EHF: variants seen among roughly 807,000 people sequenced by gnomAD.
EHF encodes the protein ETS homologous factor.
A neutral mutation model predicts 45.1 loss-of-function variants in EHF; 14 were observed. That is an observed-to-expected ratio of 0.31 (90% CI 0.21 to 0.49). The LOEUF is 0.49. Among genes scored for constraint, EHF ranks in the 20% least tolerant of loss-of-function variants. The pLI, the probability that EHF is intolerant of heterozygous loss-of-function variation, is 0.99. For missense variants in EHF, 282 were observed against 371.4 expected (o/e 0.76, Z 1.98); for synonymous variants, 136 against 131.8 (o/e 1.03, Z -0.22).
At chr11:34,623,774 C>T (rs926334357) in intron 1 of EHF, among the ~76,000 whole-genome samples, 1 of 152,010 alleles carries the variant, frequency 6.6e-6, no homozygotes, top group Non-Finnish European at 1.5e-5. Context: ...TCCCATGCCC[C>T]CGACCCACCC....
intron 1 of EHF, among the ~76,000 whole-genome samples, chr11:34,621,518 C>T (rs1422136082): frequency 6.6e-6 from 1 of 152,214 alleles, no homozygotes; most frequent in African/African-American, 2.4e-5. Flanking sequence ...GGTGGCAAAA[C>T]CATTCCCCTG....
At chr11:34,634,581 C>A (rs1340839333) in intron 1 of EHF, among the ~76,000 whole-genome samples, 1 of 152,184 alleles carries the variant, frequency 6.6e-6, no homozygotes, top group African/African-American at 2.4e-5. Flanking sequence ...CCCAGTGTAC[C>A]TTCACCCTTG....
chr11:34,635,363 G>A (rs946483903), intron 1 of EHF, among the ~76,000 whole-genome samples: 2 of 151,596 alleles, frequency 1.3e-5, no homozygotes, highest in Admixed American at 6.6e-5. Context: ...GTCTTGGGAT[G>A]TGTGGTTCCA....
At chr11:34,632,836 G>A (rs1463141535) in intron 1 of EHF, among the ~76,000 whole-genome samples, 2 of 152,232 alleles carry the variant, frequency 1.3e-5, no homozygotes, top group East Asian at 3.9e-4. Context: ...GTTAACTATT[G>A]TATCGCCAGC....
At chr11:34,637,074 T>G (rs554028383) in intron 1 of EHF, among the ~76,000 whole-genome samples, 1 of 151,638 alleles carries the variant, frequency 6.6e-6, no homozygotes, top group East Asian at 1.9e-4. Flanking sequence ...ACTAGGCTGC[T>G]TTTCAAGCTC....
At chr11:34,642,520 A>G in intron 1 of EHF, 108 bp from the exon 2 acceptor site, 1 of 708,070 alleles carries the variant, frequency 1.4e-6, no homozygotes, top group African/African-American at 1.7e-5. Flanking sequence ...AATGGGTGGA[A>G]GGACAAATTC....
In EHF at chr11:34,624,247, T is replaced by C; in HGVS notation, c.-4+3019T>C. ...CATTGGCTCCACTGCAGCCTGGGTGTCTAGAGACCACATTCTCACCCTGCC... is the reference window on the plus strand; with the variant it reads ...CATTGGCTCCACTGCAGCCTGGGTGCCTAGAGACCACATTCTCACCCTGCC... On this transcript the variant is annotated intron_variant, in intron 1 of 8. Transcript: ENST00000257831. 5.1e-6 allele frequency: 5 copies of C among 985,346 alleles called. No homozygotes were observed. In the South Asian group the frequency reaches 2.3e-4, roughly 46 times the overall value. 61.0% of individuals were successfully genotyped at this position (985,346 alleles called of 1,614,324 possible). A position where few individuals can be genotyped will look rare whatever the true frequency, so the allele number is the denominator to read the frequency against.
intron 1 of EHF, among the ~76,000 whole-genome samples, chr11:34,637,633 G>A (rs1853572538): frequency 6.6e-6 from 1 of 152,296 alleles, no homozygotes; most frequent in South Asian, 2.1e-4. Flanking sequence ...CAAGAAGCCT[G>A]GCATGTTGTA....
chr11:34,658,915 G>A lies in EHF; in HGVS notation c.887G>A (p.Arg296Lys), dbSNP rs1166951903. The change falls in exon 9 of 9, where the codon AGA becomes AAA. Residue 296 changes from arginine (R) to lysine (K), a missense_variant. Physicochemically the swap from Arg to Lys is conservative, Grantham distance 26 (BLOSUM62 2). This residue lies in a region of EHF where 28 missense variants were observed against 37.1 expected (regional missense o/e 0.76). Coordinates refer to ENST00000257831, the MANE Select transcript of EHF (RefSeq NM_012153.6). ...TTTGGGAAGAATGCCCGAGGATGGA[G>A]AGAAAATGAAAACTGAAGCTGCCAA... The part of the protein sequence containing the change: ...YKFGKNARGW[R>K]ENEN 1.4e-5 allele frequency: 23 copies of A among 1,612,696 alleles called. No individual in the cohort carries two copies. Among genetic ancestry groups the A allele is most frequent in the Admixed American group, 1.7e-5 (1 of 59,828 alleles).
chr11:34,650,770 C>G lies in EHF; in HGVS notation c.407-772C>G, dbSNP rs1280192042. ...TTTGGGGTAGGTGGAGGGGAGTTCC[C>G]TTTGAATCTGAAATCTGAAGAGTCA... is the stretch of plus-strand genomic sequence containing the variant. On this transcript the variant is annotated intron_variant, in intron 4 of 8. Coordinates refer to ENST00000257831, the MANE Select transcript of EHF (RefSeq NM_012153.6). Among the ~76,000 whole-genome samples, 4 of 152,210 alleles carry G rather than the reference C, an allele frequency of 2.6e-5. No homozygotes were observed. In the East Asian group the frequency reaches 7.7e-4, roughly 29 times the overall value.
chr11:34,642,803 T>C (rs1433181212), intron 2 of EHF, 76 bp downstream of exon 2: 4 of 1,107,424 alleles, frequency 3.6e-6, no homozygotes, highest in African/African-American at 1.5e-5. Context: ...CACAACCTAA[T>C]GTTTGAAAAA....
At chr11:34,657,879 T>C (rs1427899717) in intron 7 of EHF, among the ~76,000 whole-genome samples, 2 of 137,942 alleles carry the variant, frequency 1.4e-5, no homozygotes, top group African/African-American at 5.4e-5. Flanking sequence ...ACCATATTAA[T>C]GCAACCCCTC....
At chr11:34,622,455 C>A (rs764339020) in intron 1 of EHF, 33 of 1,244,754 alleles carry the variant, frequency 2.7e-5, no homozygotes, top group Non-Finnish European at 3.5e-5. Flanking sequence ...TGTAAAAGGG[C>A]AATTAGAGAT....
intron 1 of EHF, among the ~76,000 whole-genome samples, chr11:34,631,841 G>A (rs938303508): frequency 2.6e-5 from 4 of 152,168 alleles, no homozygotes; most frequent in African/African-American, 7.2e-5. Flanking sequence ...CAACCATTTA[G>A]AAGAGTGTGG....
intron 1 of EHF, among the ~76,000 whole-genome samples, chr11:34,625,097 C>T (rs145208352): frequency 5.2e-3 from 786 of 152,262 alleles, no homozygotes; most frequent in Non-Finnish European, 7.8e-3. Flanking sequence ...GTGGGAGAAG[C>T]CTTCTAAGGA....
intron 1 of EHF, chr11:34,632,754 A>T: frequency 7.4e-7 from 1 of 1,355,418 alleles, no homozygotes; most frequent in South Asian, 1.3e-5. Flanking sequence ...ATGACTTTGG[A>T]AGGAGCCACT....
At chr11:34,640,374 C>G (rs766335758) in intron 1 of EHF, among the ~76,000 whole-genome samples, 1 of 152,232 alleles carries the variant, frequency 6.6e-6, no homozygotes, top group African/African-American at 2.4e-5. Context: ...AGAAGCCTTT[C>G]CCTGCCTGTC....
chr11:34,626,769 C>T (rs1007899171), intron 1 of EHF, among the ~76,000 whole-genome samples: 2 of 152,144 alleles, frequency 1.3e-5, no homozygotes, highest in Non-Finnish European at 2.9e-5. Context: ...GATTTTATGG[C>T]TTGGAAGCTG....
At chr11:34,637,098 A>G (rs901816252) in intron 1 of EHF, among the ~76,000 whole-genome samples, 4 of 151,452 alleles carry the variant, frequency 2.6e-5, no homozygotes, top group Non-Finnish European at 2.9e-5. Context: ...ACACTCTTGA[A>G]TGTGTCCTCT....
Sources: allele counts gnomAD v4.1 joint callset (sites outside exome capture counted in the v4.1 genomes callset), GRCh38; gene constraint gnomAD v4.1.1; regional missense constraint gnomAD v4.1.1; transcripts MANE v1.5; gene names NCBI Gene and HGNC (gene_info 2026-07-23, HGNC 2026-07-21).